The following SCAMP2 variants were observed in gnomAD, a reference collection of about 807,000 sequenced individuals.
SCAMP2 encodes the protein secretory carrier membrane protein 2.
A neutral mutation model predicts 44.1 loss-of-function variants in SCAMP2; 25 were observed. The observed-to-expected ratio is 0.57, with a 90% CI of 0.41 to 0.79. SCAMP2 has a LOEUF of 0.79. Ranked by LOEUF, SCAMP2 falls within the 30% of genes least tolerant of loss-of-function variation. The pLI is 0.00. For synonymous variants in SCAMP2, 156 were observed against 166.0 expected, an observed-to-expected ratio of 0.94 and a Z score of 0.46; for missense variants, 355 against 411.0, an observed-to-expected ratio of 0.86 and a Z score of 1.18.
intron 1 of SCAMP2, among the ~76,000 whole-genome samples, chr15:74,858,188 C>T (rs1430695003): frequency 6.6e-6 from 1 of 152,112 alleles, no homozygotes; most frequent in African/African-American, 2.4e-5. Context: ...TTAGTGTCTA[C>T]GGTGTGCCAA....
At chr15:74,856,570 T>G (rs1241654206) in intron 1 of SCAMP2, among the ~76,000 whole-genome samples, 5 of 151,326 alleles carry the variant, frequency 3.3e-5, no homozygotes, top group African/African-American at 1.2e-4. Context: ...CCACTGCACC[T>G]GGCCTCCAGT....
intron 1 of SCAMP2, among the ~76,000 whole-genome samples, chr15:74,858,759 G>T (rs1490150991): frequency 6.6e-6 from 1 of 151,008 alleles, no homozygotes; most frequent in Non-Finnish European, 1.5e-5. Flanking sequence ...ACTGACAAGG[G>T]CTTCTGCTTG....
In SCAMP2 at chr15:74,854,107, T is replaced by C. The variant is rs2064453050; in HGVS notation, c.139A>G (p.Thr47Ala). Residue 47 changes from threonine to alanine, a missense_variant, in exon 3 of 9, where the codon ACA (threonine) becomes GCA (alanine). Thr to Ala is a moderately conservative substitution (Grantham distance 58). Transcript: ENST00000268099. ...GGGAGTTGGGTGACAGGAACTGTTG[T>C]CGCTGCATTTGTCTACATGGAACAA... Reference protein sequence around the residue: ...FNPFSETNAATTVPVTQLPGS... With the variant: ...FNPFSETNAAATVPVTQLPGS... 2 of 1,614,086 alleles carry C rather than the reference T, an allele frequency of 1.2e-6. No homozygotes were observed. Among genetic ancestry groups the C allele is most frequent in the East Asian group, 2.2e-5 (1 of 44,882 alleles).
chr15:74,845,344 G>A (rs2064392024), intron 8 of SCAMP2, 127 bp from the exon 9 acceptor site: 1 of 1,581,004 alleles, frequency 6.3e-7, no homozygotes, highest in African/African-American at 1.3e-5. Context: ...CCAGATCCCT[G>A]GAGAAAGGTA....
intron 1 of SCAMP2, among the ~76,000 whole-genome samples, chr15:74,866,808 T>C (rs2064547091): frequency 6.6e-6 from 1 of 150,820 alleles, no homozygotes; most frequent in Non-Finnish European, 1.5e-5. Context: ...CTTTTTTTTT[T>C]TTTTTTGAGA....
Position 74,848,662 on chromosome 15 carries a change from T to C in SCAMP2, c.672A>G (p.Val224=). The change falls in exon 7 of 9, where the codon GTA becomes GTG. Residue 224 remains valine, a synonymous_variant. Transcript: ENST00000268099. ...TGTAGATCCCTATTTGACAAAAAAA[T>C]ACAAAGAAGAACACAAAGAAGCTGA... The part of the protein sequence containing the change: ...NSFSFFVFFF[V]FFCQIGIYII... 6.2e-7 allele frequency: 1 copy of C among 1,613,630 alleles called. No homozygotes were observed. The highest frequency in any genetic ancestry group is 8.5e-7 in the Non-Finnish European group (1 of 1,179,750).
intron 1 of SCAMP2, among the ~76,000 whole-genome samples, chr15:74,868,917 A>G (rs2064559086): frequency 1.3e-5 from 2 of 152,146 alleles, no homozygotes; most frequent in Non-Finnish European, 2.9e-5. Context: ...GCACTTTGGG[A>G]GGCTGAGGCG....
chr15:74,855,106 ATTT>A (rs1038410579), intron 1 of SCAMP2, among the ~76,000 whole-genome samples: 1 of 147,618 alleles, frequency 6.8e-6, no homozygotes, highest in Non-Finnish European at 1.5e-5. Flanking sequence ...CTTTTTTTAT[ATTT>A]TTTTATTTTT....
chr15:74,870,451 C>G (rs987825282), intron 1 of SCAMP2, among the ~76,000 whole-genome samples: 5 of 152,060 alleles, frequency 3.3e-5, no homozygotes, highest in Admixed American at 2.0e-4. Context: ...AATGGAAAAT[C>G]ATCACATACA....
chr15:74,863,371 T>A (rs1596422518), intron 1 of SCAMP2, among the ~76,000 whole-genome samples: 1 of 147,432 alleles, frequency 6.8e-6, no homozygotes, highest in South Asian at 2.1e-4. Flanking sequence ...ATCAGCCAGG[T>A]CTCGTCGTGG....
chr15:74,866,798 CT>C (rs112929950), intron 1 of SCAMP2, among the ~76,000 whole-genome samples: 115,188 of 119,706 alleles, frequency 0.96, 55,461 homozygotes, highest in South Asian at 0.99. Context: ...TATTTTCTTT[CT>C]TTTTTTTTTT....
rs2064395087 is a variant in SCAMP2 at position 74,845,720 on chromosome 15, G to A, written c.735-127C>T. ...CCTTGGCATCTCCCCACAGCACAGG[G>A]AGCCCTGTGAGCCAGAAGCCCTTGG... is the stretch of plus-strand genomic sequence containing the variant. On this transcript the variant is annotated intron_variant, in intron 7 of 8. Transcript: ENST00000268099. 7 of 1,156,644 alleles carry A rather than the reference G, an allele frequency of 6.1e-6. No individual in the cohort carries two copies. The East Asian group carries it at 1.4e-4, about 24-fold the overall frequency. The allele number at this position is 1,156,644 out of a possible 1,614,324, so 71.6% of individuals were successfully genotyped here. A position where few individuals can be genotyped will look rare whatever the true frequency, so the allele number is the denominator to read the frequency against.
intron 1 of SCAMP2, among the ~76,000 whole-genome samples, chr15:74,867,171 C>G (rs948787899): frequency 6.6e-6 from 1 of 152,210 alleles, no homozygotes; most frequent in Non-Finnish European, 1.5e-5. Flanking sequence ...GTCTCCTGCA[C>G]AGGCCTGCAG....
intron 1 of SCAMP2, among the ~76,000 whole-genome samples, chr15:74,866,354 G>C (rs1276680083): frequency 6.6e-6 from 1 of 151,848 alleles, no homozygotes; most frequent in Non-Finnish European, 1.5e-5. Flanking sequence ...GTGGACACAG[G>C]AGTACAGGGA....
intron 7 of SCAMP2, among the ~76,000 whole-genome samples, chr15:74,846,814 T>TG (rs990968030): frequency 9.2e-5 from 14 of 152,102 alleles, no homozygotes; most frequent in Admixed American, 6.6e-5. Flanking sequence ...TCTGCTGCTT[T>TG]GGGGGTGGGG....
At chr15:74,858,899 C>G (rs1199388565) in intron 1 of SCAMP2, among the ~76,000 whole-genome samples, 1 of 148,406 alleles carries the variant, frequency 6.7e-6, no homozygotes. Flanking sequence ...TGCAAGCTCT[C>G]CCGGGTTCAC....
At chr15:74,850,782 G>T in intron 5 of SCAMP2, 109 bp from the exon 6 acceptor site, 1 of 1,193,450 alleles carries the variant, frequency 8.4e-7, no homozygotes, top group African/African-American at 1.5e-5. Flanking sequence ...GAAGGCAGCT[G>T]CTGAAACAGA....
intron 1 of SCAMP2, among the ~76,000 whole-genome samples, chr15:74,869,241 G>A (rs2064560960): frequency 6.6e-6 from 1 of 151,946 alleles, no homozygotes; most frequent in African/African-American, 2.4e-5. Context: ...TTTCAGGACT[G>A]GCATTACTCA....
Position 74,852,185 on chromosome 15 carries a change from G to C in SCAMP2, c.227C>G (p.Ala76Gly). ...SVEPTQPTPQ[A>G]VVSAAQAGLL... ...GCCTGCCTGGGCTGCAGACACCACGGCCTGGAGAGAACAGGGGAGGTACAG... is the reference window on the plus strand; with the variant it reads ...GCCTGCCTGGGCTGCAGACACCACGCCCTGGAGAGAACAGGGGAGGTACAG... Residue 76 changes from alanine (A) to glycine (G), a missense_variant and splice_region_variant, in exon 4 of 9, where the codon GCC becomes GGC. Coordinates refer to ENST00000268099, the MANE Select transcript of SCAMP2 (RefSeq NM_005697.5). 6.6e-7 allele frequency: 1 copy of C among 1,523,406 alleles called. No individual in the cohort carries two copies. Among genetic ancestry groups the C allele is most frequent in the Middle Eastern group, 1.7e-4 (1 of 5,728 alleles). The allele number at this position is 1,523,406 out of a possible 1,614,324, so 94.4% of individuals were successfully genotyped here.
Sources: gnomAD v4.1 joint callset for allele counts (sites outside exome capture counted in the v4.1 genomes callset) on GRCh38, gnomAD v4.1.1 for gene constraint, MANE v1.5 for transcripts, NCBI Gene and HGNC (gene_info 2026-07-23, HGNC 2026-07-21) for gene names.